The following EHD4 variants were observed in gnomAD, a reference collection of about 807,000 sequenced individuals.
EHD4 encodes the protein EH domain-containing protein 4.
In EHD4, 37 loss-of-function variants were observed where a neutral mutation model predicts 51.0. That is an observed-to-expected ratio of 0.73 (90% CI 0.56 to 0.95). The LOEUF (loss-of-function observed/expected upper bound fraction) is 0.95, where lower values mean the gene tolerates loss of function less well. EHD4 is among the 40% of genes least tolerant of loss of function. EHD4 has a pLI of 0.00. For synonymous variants in EHD4, 297 were observed against 317.3 expected (o/e 0.94, Z 0.68); for missense variants, 632 against 733.1 (o/e 0.86, Z 1.59).
chr15:41,935,433 A>G (rs1254881904), intron 3 of EHD4, among the ~76,000 whole-genome samples: 1 of 152,150 alleles, frequency 6.6e-6, no homozygotes, highest in Non-Finnish European at 1.5e-5. Flanking sequence ...GACATTCAAC[A>G]TAAGAAAACC....
chr15:41,936,057 T>C (rs1295398356), intron 3 of EHD4, among the ~76,000 whole-genome samples: 4 of 152,254 alleles, frequency 2.6e-5, no homozygotes, highest in African/African-American at 4.8e-5. Flanking sequence ...TTAGATGGCA[T>C]TCGGCTTTCC....
intron 3 of EHD4, 59 bp from the exon 4 acceptor site, chr15:41,919,681 G>A (rs2140988806): frequency 2.1e-6 from 3 of 1,458,866 alleles, no homozygotes; most frequent in Non-Finnish European, 1.8e-6. Flanking sequence ...CGTTTAATGG[G>A]CGGCTCAGGA....
chr15:41,952,430 G>A (rs1849602966), intron 2 of EHD4, among the ~76,000 whole-genome samples: 1 of 152,156 alleles, frequency 6.6e-6, no homozygotes, highest in Non-Finnish European at 1.5e-5. Context: ...ATAGAGGGGT[G>A]GGAGAGGGAT....
chr15:41,907,884 AT>A (rs2067523726), intron 5 of EHD4, among the ~76,000 whole-genome samples: 1 of 131,974 alleles, frequency 7.6e-6, no homozygotes, highest in African/African-American at 2.9e-5. Flanking sequence ...ATATTTATTT[AT>A]TTTTTGAGAT....
chr15:41,970,091 G>C (rs1332636480), intron 1 of EHD4, among the ~76,000 whole-genome samples: 1 of 152,118 alleles, frequency 6.6e-6, no homozygotes, highest in African/African-American at 2.4e-5. Flanking sequence ...ACAGTGTCTG[G>C]GGTGATATTT....
intron 1 of EHD4, among the ~76,000 whole-genome samples, chr15:41,969,006 T>G (rs2067979405): frequency 6.6e-6 from 1 of 152,166 alleles, no homozygotes; most frequent in African/African-American, 2.4e-5. Flanking sequence ...TTTCCCCCAT[T>G]GTTCTAATAG....
intron 3 of EHD4, among the ~76,000 whole-genome samples, chr15:41,940,209 C>T (rs2067760085): frequency 6.6e-6 from 1 of 152,186 alleles, no homozygotes; most frequent in Non-Finnish European, 1.5e-5. Context: ...TTCCTCCTTC[C>T]CAGGCACAAT....
intron 3 of EHD4, among the ~76,000 whole-genome samples, chr15:41,924,293 C>T (rs988933182): frequency 6.6e-6 from 1 of 152,278 alleles, no homozygotes; most frequent in East Asian, 1.9e-4. Context: ...AAGATAGTGG[C>T]GGACAATGTG....
At chr15:41,916,568 T>C (rs1385340234) in intron 4 of EHD4, among the ~76,000 whole-genome samples, 1 of 152,226 alleles carries the variant, frequency 6.6e-6, no homozygotes, top group African/African-American at 2.4e-5. Flanking sequence ...AAAAGCACTT[T>C]TGGAAAATAT....
At chr15:41,966,145 T>C (rs2067960384) in intron 1 of EHD4, among the ~76,000 whole-genome samples, 1 of 152,020 alleles carries the variant, frequency 6.6e-6, no homozygotes, top group Admixed American at 6.6e-5. Context: ...CCTGTGATGC[T>C]TGTGGCCAGG....
At chr15:41,969,040 C>T (rs1279718363) in intron 1 of EHD4, among the ~76,000 whole-genome samples, 3 of 152,202 alleles carry the variant, frequency 2.0e-5, no homozygotes, top group Non-Finnish European at 4.4e-5. Flanking sequence ...TCTTAGGATT[C>T]TCTACATAGA....
intron 4 of EHD4, among the ~76,000 whole-genome samples, chr15:41,918,238 ACACACG>A (rs796451652): frequency 0.016 from 2,220 of 137,304 alleles, 56 homozygotes; most frequent in African/African-American, 0.049. Flanking sequence ...ACACACACAC[ACACACG>A]CGCATGTTTA....
chr15:41,919,953 G>T (rs1261107481), intron 3 of EHD4, among the ~76,000 whole-genome samples: 1 of 152,140 alleles, frequency 6.6e-6, no homozygotes, highest in Non-Finnish European at 1.5e-5. Flanking sequence ...TGGCAGAATT[G>T]ATCAATGGTT....
chr15:41,921,581 C>T (rs1218072354), intron 3 of EHD4: 2 of 152,258 alleles, frequency 1.3e-5, no homozygotes, highest in Non-Finnish European at 2.9e-5. Flanking sequence ...GCTTTGGAGC[C>T]ACCCATAGAT....
Position 41,919,433 on chromosome 15 carries a change from C to A in EHD4, c.701G>T (p.Arg234Leu). ...ADQVDTQQLM[R>L]VYGALMWSLG... Reference sequence around the variant, plus strand: ...GGACCACATGAGGGCCCCGTAGACCCGCATCAGCTGCTGCGTGTCCACTTG... The same window carrying A: ...GGACCACATGAGGGCCCCGTAGACCAGCATCAGCTGCTGCGTGTCCACTTG... Residue 234 changes from arginine (R) to leucine (L), a missense_variant, in exon 4 of 6, where the codon CGG (arginine) becomes CTG (leucine). Transcript: ENST00000220325. The A allele has an allele frequency of 6.3e-7, 1 of 1,584,852 alleles. No individual in the cohort carries two copies. Among genetic ancestry groups the A allele is most frequent in the Non-Finnish European group, 8.6e-7 (1 of 1,164,156 alleles).
intron 5 of EHD4, among the ~76,000 whole-genome samples, chr15:41,902,301 A>G (rs1253234973): frequency 6.6e-6 from 1 of 151,386 alleles, no homozygotes; most frequent in Non-Finnish European, 1.5e-5. Context: ...CCAACAACCC[A>G]CCTGTCCAAC....
chr15:41,937,077 T>A (rs1473677521), intron 3 of EHD4, among the ~76,000 whole-genome samples: 1 of 152,174 alleles, frequency 6.6e-6, no homozygotes, highest in Non-Finnish European at 1.5e-5. Flanking sequence ...ATGCAAACTC[T>A]AAATAAAAAA....
intron 3 of EHD4, among the ~76,000 whole-genome samples, chr15:41,921,073 A>T (rs1483771641): frequency 6.6e-6 from 1 of 152,184 alleles, no homozygotes; most frequent in African/African-American, 2.4e-5. Context: ...TAGCTGAACA[A>T]GCAAACTGGA....
chr15:41,950,927 C>T (rs1028283347), intron 2 of EHD4, among the ~76,000 whole-genome samples: 4 of 152,168 alleles, frequency 2.6e-5, no homozygotes, highest in Non-Finnish European at 4.4e-5. Flanking sequence ...CATGAAATTA[C>T]GTAAGTGATG....
Sources: allele counts gnomAD v4.1 joint callset (sites outside exome capture counted in the v4.1 genomes callset), GRCh38; gene constraint gnomAD v4.1.1; transcripts MANE v1.5; gene names NCBI Gene and HGNC (gene_info 2026-07-23, HGNC 2026-07-21).